Variants in THOC1 observed in about 807,000 individuals in gnomAD.
The protein encoded by THOC1 is THO complex 1.
A neutral mutation model predicts 97.3 loss-of-function variants in THOC1; 29 were observed. The observed-to-expected ratio is 0.30, with a 90% CI of 0.22 to 0.41. The LOEUF (loss-of-function observed/expected upper bound fraction) is 0.41. Among genes scored for constraint, THOC1 ranks in the 10% least tolerant of loss-of-function variants. The pLI, the probability that THOC1 is intolerant of heterozygous loss-of-function variation, is 1.00. For synonymous variants in THOC1, 255 were observed against 257.0 expected, an observed-to-expected ratio of 0.99 and a Z score of 0.07; for missense variants, 529 against 761.9, an observed-to-expected ratio of 0.69 and a Z score of 3.60.
At position 267,968 on chromosome 18, in the gene THOC1, T is replaced by C; in HGVS notation, c.52A>G (p.Thr18Ala). Reference sequence around the variant, plus strand: ...GCACCCTCCCCTCTACAGCTCACCGTAAACCGCGTCCGCGCTTCGGGCAAA... The same window carrying C: ...GCACCCTCCCCTCTACAGCTCACCGCAAACCGCGTCCGCGCTTCGGGCAAA... ...FSLPEARTRF[T>A]KSTREALNNK... The change falls in exon 1 of 21, where the codon ACG (threonine) becomes GCG (alanine). Residue 18 changes from threonine (T) to alanine (A), a missense_variant and splice_region_variant. Around this residue, in one of 8 missense-constraint regions of THOC1, gnomAD observed 114 missense variants for 97.4 expected, o/e 1.17. Coordinates refer to ENST00000261600, the MANE Select transcript of THOC1 (RefSeq NM_005131.3). 1 of 1,611,932 alleles carries C rather than the reference T, an allele frequency of 6.2e-7. No homozygotes were observed. Among genetic ancestry groups the C allele is most frequent in the Non-Finnish European group, 8.5e-7 (1 of 1,179,196 alleles).
intron 5 of THOC1, 154 bp from the exon 6 acceptor site, chr18:259,884 A>G: frequency 1.8e-6 from 1 of 551,438 alleles, no homozygotes; most frequent in Non-Finnish European, 3.1e-6. Flanking sequence ...ATTTTCAATG[A>G]AATAAAAATA....
At position 218,868 on chromosome 18, in the gene THOC1, A is replaced by C; in HGVS notation, c.1454+18T>G. The C allele has an allele frequency of 6.4e-7, 1 of 1,569,544 alleles. No individual in the cohort carries two copies. Among genetic ancestry groups the C allele is most frequent in the Non-Finnish European group, 8.7e-7 (1 of 1,152,156 alleles). On this transcript the variant is annotated intron_variant, in intron 18 of 20. Coordinates refer to ENST00000261600, the MANE Select transcript of THOC1 (RefSeq NM_005131.3). Reference sequence around the variant, plus strand: ...AAATTGAAGAAAATTAAAAGGAGCTAATGAGGAGCATACTTACTTATATTC... The same window carrying C: ...AAATTGAAGAAAATTAAAAGGAGCTCATGAGGAGCATACTTACTTATATTC...
At chr18:266,958 T>C (rs1199302651) in intron 1 of THOC1, among the ~76,000 whole-genome samples, 2 of 151,538 alleles carry the variant, frequency 1.3e-5, no homozygotes, top group East Asian at 3.9e-4. Flanking sequence ...ATAATCCATT[T>C]AAAAAAAACC....
intron 7 of THOC1, among the ~76,000 whole-genome samples, chr18:258,338 G>C (rs974528998): frequency 2.0e-5 from 3 of 151,980 alleles, no homozygotes; most frequent in Non-Finnish European, 4.4e-5. Context: ...ACGATTTTTA[G>C]GCAAAACACA....
intron 20 of THOC1, 62 bp from the exon 21 acceptor site, chr18:214,983 T>TCC: frequency 6.7e-7 from 1 of 1,500,070 alleles, no homozygotes; most frequent in Non-Finnish European, 9.1e-7. Flanking sequence ...AATGGAAAGC[T>TCC]ATGGGGCCAA....
chr18:246,744 A>AG (rs1429733230), intron 10 of THOC1, among the ~76,000 whole-genome samples: 4 of 151,770 alleles, frequency 2.6e-5, no homozygotes, highest in Admixed American at 6.6e-5. Context: ...CGGGAGGCGG[A>AG]GGGGGGCGGG....
intron 5 of THOC1, 106 bp downstream of exon 5, chr18:260,080 T>C (rs1216009847): frequency 2.9e-6 from 2 of 680,996 alleles, no homozygotes; most frequent in Non-Finnish European, 4.5e-6. Flanking sequence ...AGAAACTTGT[T>C]GGCATTCAGC....
At chr18:236,873 A>T (rs999553762) in intron 11 of THOC1, among the ~76,000 whole-genome samples, 1 of 152,086 alleles carries the variant, frequency 6.6e-6, no homozygotes, top group Non-Finnish European at 1.5e-5. Context: ...TCACTCCTTC[A>T]AAGTGCTCTT....
intron 11 of THOC1, among the ~76,000 whole-genome samples, chr18:237,605 A>T (rs1433262412): frequency 6.6e-6 from 1 of 151,098 alleles, no homozygotes; most frequent in Non-Finnish European, 1.5e-5. Flanking sequence ...TCCCCAGATT[A>T]GGAAAAAAAA....
At chr18:249,770 A>G (rs1912221075) in intron 9 of THOC1, among the ~76,000 whole-genome samples, 1 of 152,208 alleles carries the variant, frequency 6.6e-6, no homozygotes, top group South Asian at 2.1e-4. Context: ...AAAGAACAAG[A>G]ACCAATATTT....
chr18:265,147 G>A (rs7237791), intron 3 of THOC1, 156 bp downstream of exon 3: 9,873 of 620,844 alleles, frequency 0.016, 127 homozygotes, highest in Non-Finnish European at 0.019. Flanking sequence ...AAAATCCTTA[G>A]AGAAATCGTA....
At chr18:217,720 G>A (rs1910942275) in intron 18 of THOC1, among the ~76,000 whole-genome samples, 1 of 152,136 alleles carries the variant, frequency 6.6e-6, no homozygotes. Flanking sequence ...AAAACCACGA[G>A]AATGCAAAAG....
At chr18:228,554 A>C (rs1003428521) in intron 11 of THOC1, among the ~76,000 whole-genome samples, 20 of 152,106 alleles carry the variant, frequency 1.3e-4, no homozygotes, top group Admixed American at 1.3e-3. Context: ...CACCAAAAAC[A>C]ACCAACACAG....
chr18:232,746 T>C (rs1279135197), intron 11 of THOC1, among the ~76,000 whole-genome samples: 1 of 152,050 alleles, frequency 6.6e-6, no homozygotes, highest in Non-Finnish European at 1.5e-5. Flanking sequence ...TCTCTGCCAA[T>C]ACTAGTATTG....
At position 214,580 on chromosome 18, in the gene THOC1, G is replaced by A; in HGVS notation, c.*46C>T. On this transcript the variant is annotated 3_prime_UTR_variant, in exon 21 of 21. Coordinates refer to ENST00000261600, the MANE Select transcript of THOC1 (RefSeq NM_005131.3). ...TGGACCTCTTATCAAATGCTGCTTGGTAACAAAATCTATCACAGTTTTAAT... is the reference window on the plus strand; with the variant it reads ...TGGACCTCTTATCAAATGCTGCTTGATAACAAAATCTATCACAGTTTTAAT... 2.0e-6 allele frequency: 3 copies of A among 1,499,824 alleles called. No homozygotes were observed. The highest frequency in any genetic ancestry group is 1.8e-6 in the Non-Finnish European group (2 of 1,102,370). 92.9% of individuals were successfully genotyped at this position (1,499,824 alleles called of 1,614,324 possible).
At chr18:235,436 C>A (rs549807898) in intron 11 of THOC1, among the ~76,000 whole-genome samples, 4 of 152,164 alleles carry the variant, frequency 2.6e-5, no homozygotes, top group Admixed American at 6.5e-5. Context: ...ATTTGTCACT[C>A]TTTCTTGACA....
In THOC1 at chr18:264,091, A is replaced by G; in HGVS notation, c.191T>C (p.Ile64Thr). 1 of 1,608,770 alleles carries G rather than the reference A, an allele frequency of 6.2e-7. No individual in the cohort carries two copies. Among genetic ancestry groups the G allele is most frequent in the Non-Finnish European group, 8.5e-7 (1 of 1,176,384 alleles). Residue 64 changes from isoleucine (I) to threonine (T), a missense_variant and splice_region_variant, in exon 4 of 21, where the codon ATA becomes ACA. Physicochemically the swap from Ile to Thr is moderately conservative, Grantham distance 89 (BLOSUM62 -1). Coordinates refer to ENST00000261600, the MANE Select transcript of THOC1 (RefSeq NM_005131.3). ...AACGTTTTCACATGATGAATGATTT[A>G]TCTACCAACAGAGGAGAAACAATTT... is the stretch of plus-strand genomic sequence containing the variant. ...AFRGILEEEI[I>T]NHSSCENVLA...
Position 246,435 on chromosome 18 carries a change from A to T in THOC1, c.807T>A (p.Ala269=), listed in dbSNP as rs1013821682. The T allele has an allele frequency of 1.5e-5, 24 of 1,573,642 alleles. No individual in the cohort carries two copies. Among genetic ancestry groups the T allele is most frequent in the Non-Finnish European group, 1.9e-5 (22 of 1,155,976 alleles). Residue 269 remains alanine, a synonymous_variant, in exon 11 of 21, where the codon GCT becomes GCA. Transcript: ENST00000261600. ...TFLKYSEEVL[A]VFKSYKLDDT... ...CATCTAATTTATAACTCTTAAAAAC[A>T]GCTAAAACTTCTTCAGAATACTGCA...
rs768361205 is a variant in THOC1 at position 215,447 on chromosome 18, G to A, written c.1660C>T (p.Leu554=). 5.0e-5 allele frequency: 81 copies of A among 1,613,302 alleles called. No individual in the cohort carries two copies. Among genetic ancestry groups the A allele is most frequent in the Non-Finnish European group, 6.6e-5 (78 of 1,179,540 alleles). The change falls in exon 20 of 21, where the codon CTA becomes TTA. Residue 554 remains leucine, a synonymous_variant. Transcript: ENST00000261600. ...EDEDEEDNDA[L]LKENESPDVR... ...TTCTTACTTTCATTTTCCTTCAGTA[G>A]AGCATCATTATCTTCCTCATCTTCA... is the stretch of plus-strand genomic sequence containing the variant.
Sources: allele counts gnomAD v4.1 joint callset (sites outside exome capture counted in the v4.1 genomes callset), GRCh38; gene constraint gnomAD v4.1.1; regional missense constraint gnomAD v4.1.1; transcripts MANE v1.5; gene names NCBI Gene and HGNC (gene_info 2026-07-23, HGNC 2026-07-21).